Variants in NPC2 observed in about 807,000 individuals in gnomAD.
The protein encoded by NPC2 is NPC intracellular cholesterol transporter 2.
A neutral mutation model predicts 17.0 loss-of-function variants in NPC2; 14 were observed. That is an observed-to-expected ratio of 0.82 (90% CI 0.54 to 1.29). NPC2 has a LOEUF of 1.29. Among genes scored for constraint, NPC2 ranks in the 50% most tolerant of loss-of-function variants. NPC2 has a pLI of 0.00. For missense variants in NPC2, 167 were observed against 183.4 expected, an observed-to-expected ratio of 0.91 and a Z score of 0.52; for synonymous variants, 75 against 69.3, an observed-to-expected ratio of 1.08 and a Z score of -0.41.
intron 3 of NPC2, chr14:74,483,514 TAGTC>T: frequency 6.5e-7 from 1 of 1,542,888 alleles, no homozygotes; most frequent in Non-Finnish European, 8.8e-7. Context: ...TCTAGGCCCA[TAGTC>T]AGCAGCAGCT....
chr14:74,484,101 T>C (rs562022090), intron 3 of NPC2, among the ~76,000 whole-genome samples: 3 of 152,344 alleles, frequency 2.0e-5, no homozygotes, highest in East Asian at 3.9e-4. Context: ...AACTCTAATA[T>C]TGCTTCTTGT....
At chr14:74,489,661 C>G (rs751006776) in intron 1 of NPC2, among the ~76,000 whole-genome samples, 1 of 152,210 alleles carries the variant, frequency 6.6e-6, no homozygotes, top group African/African-American at 2.4e-5. Context: ...TTAAAAATCC[C>G]ATTTCCTCCT....
chr14:74,486,334 G>C lies in NPC2; in HGVS notation c.185C>G (p.Thr62Ser). ...TAAGAGCCACTTTTACGCACTGCTG[G>C]TGAAGGTGACATTGACGCTGTAAGA... is the stretch of plus-strand genomic sequence containing the variant. ...GQSYSVNVTF[T>S]SNIQSKSSKA... The change falls in exon 2 of 5, where the codon ACC (threonine) becomes AGC (serine). Residue 62 changes from threonine to serine, a missense_variant. Coordinates refer to ENST00000555619, the MANE Select transcript of NPC2 (RefSeq NM_006432.5). 2 of 1,593,824 alleles carry C rather than the reference G, an allele frequency of 1.3e-6. No individual in the cohort carries two copies. Among genetic ancestry groups the C allele is most frequent in the Non-Finnish European group, 1.7e-6 (2 of 1,169,240 alleles).
In NPC2 at chr14:74,484,420, G is replaced by T. The variant is rs104894458; in HGVS notation, c.358C>A (p.Pro120Thr). The change falls in exon 3 of 5, where the codon CCC (proline) becomes ACC (threonine). Residue 120 changes from proline (P) to threonine (T), a missense_variant. Physicochemically the swap from Pro to Thr is conservative, Grantham distance 38. Transcript: ENST00000555619. ...TCAATAATGGTATCACTTACAGAGG[G>T]ATATTCGCTTTTCACTGGTAGTTTA... ...LNKLPVKSEY[P>T]SIKLVVEWQL... 6.2e-7 allele frequency: 1 copy of T among 1,614,046 alleles called. No individual in the cohort carries two copies. Among genetic ancestry groups the T allele is most frequent in the South Asian group, 1.1e-5 (1 of 91,076 alleles).
chr14:74,490,659 G>A (rs1174523903), intron 1 of NPC2, among the ~76,000 whole-genome samples: 2 of 152,184 alleles, frequency 1.3e-5, no homozygotes, highest in Non-Finnish European at 2.9e-5. Flanking sequence ...AGTGTCAATA[G>A]AACAAACTCC....
chr14:74,483,173 A>T (rs1331915995), intron 3 of NPC2: 3 of 846,352 alleles, frequency 3.5e-6, no homozygotes, highest in Non-Finnish European at 6.0e-6. Flanking sequence ...GCAATGAGGG[A>T]TTTGTATATG....
At chr14:74,485,354 A>T (rs4243647) in intron 2 of NPC2, among the ~76,000 whole-genome samples, 93,707 of 146,014 alleles carry the variant, frequency 0.64, 30,650 homozygotes, top group African/African-American at 0.72. Context: ...AAGACATGCA[A>T]TTCTTTATAA....
intron 3 of NPC2, among the ~76,000 whole-genome samples, chr14:74,482,503 G>A (rs1021732851): frequency 5.9e-5 from 9 of 152,286 alleles, no homozygotes; most frequent in African/African-American, 2.2e-4. Context: ...CAGAAAGAAG[G>A]CTGGAAAAAG....
rs1182966897 is a variant in NPC2, at chr14:74,493,239, C to T, written c.36G>A (p.Ala12=). The T allele has an allele frequency of 6.2e-7, 1 of 1,613,210 alleles. No individual in the cohort carries two copies. The highest frequency in any genetic ancestry group is 8.5e-7 in the Non-Finnish European group (1 of 1,179,712). Reference sequence around the variant, plus strand: ...GTTCGGCCTGGGCAGCGGTGCTGAGCGCCAGGAGCAGGAATGTAGCTGCCA... The same window carrying T: ...GTTCGGCCTGGGCAGCGGTGCTGAGTGCCAGGAGCAGGAATGTAGCTGCCA... ...RFLAATFLLL[A]LSTAAQAEPV... is the part of the protein sequence containing the mutation. The change falls in exon 1 of 5, where the codon GCG becomes GCA. Residue 12 remains alanine (A), a synonymous_variant. Transcript: ENST00000555619. The surrounding 1 kb of genome is among the most constrained non-coding windows in gnomAD (Gnocchi z 4.1).
In NPC2 at chr14:74,483,443, C is replaced by G. The variant is rs371089717; in HGVS notation, c.363+972G>C. 11 of 1,536,488 alleles carry G rather than the reference C, an allele frequency of 7.2e-6. No homozygotes were observed. The East Asian group carries it at 1.1e-4, about 16-fold the overall frequency. ...TGAAATATTTTATGACCTGGTCAGA[C>G]AGATAAATAGAAAAACACCAGTGGA... is the stretch of plus-strand genomic sequence containing the variant. On this transcript the variant is annotated intron_variant, in intron 3 of 4. Coordinates refer to ENST00000555619, the MANE Select transcript of NPC2 (RefSeq NM_006432.5).
At position 74,493,265 on chromosome 14, in the gene NPC2, G is replaced by A. The variant is rs957001864; in HGVS notation, c.10C>T (p.Leu4=). The A allele has an allele frequency of 6.2e-7, 1 of 1,613,308 alleles. No homozygotes were observed. Among genetic ancestry groups the A allele is most frequent in the Non-Finnish European group, 8.5e-7 (1 of 1,179,710 alleles). Residue 4 remains leucine, a synonymous_variant, in exon 1 of 5, where the codon CTG becomes TTG. Coordinates refer to ENST00000555619, the MANE Select transcript of NPC2 (RefSeq NM_006432.5). This position sits in a 1 kb window ranked among gnomAD's most constrained non-coding sequence, Gnocchi z 4.1. MRF[L]AATFLLLALS... ...GCCAGGAGCAGGAATGTAGCTGCCA[G>A]GAAACGCATCGCGGATAACGAAGTT... is the stretch of plus-strand genomic sequence containing the variant.
At chr14:74,492,445 A>G (rs949763210) in intron 1 of NPC2, among the ~76,000 whole-genome samples, 2 of 152,196 alleles carry the variant, frequency 1.3e-5, no homozygotes, top group Non-Finnish European at 2.9e-5. Flanking sequence ...CTTTCCACTC[A>G]TAGATCTTAC....
At chr14:74,484,610 G>A in intron 2 of NPC2, 23 bp from the exon 3 acceptor site, 1 of 1,613,530 alleles carries the variant, frequency 6.2e-7, no homozygotes, top group Non-Finnish European at 8.5e-7. Flanking sequence ...AAGAGAATCA[G>A]ATGGCAAAGA....
intron 3 of NPC2, chr14:74,482,964 A>G: frequency 1.5e-6 from 1 of 657,254 alleles, no homozygotes; most frequent in Non-Finnish European, 2.9e-6. Context: ...GTATTTAAAC[A>G]GACCACATCA....
chr14:74,481,277 TC>T (rs1279539205), intron 3 of NPC2, among the ~76,000 whole-genome samples: 1 of 152,260 alleles, frequency 6.6e-6, no homozygotes, highest in East Asian at 1.9e-4. Flanking sequence ...CTCCCCCTTC[TC>T]TTTCTTGCTT....
At chr14:74,483,311 C>G (rs1312766949) in intron 3 of NPC2, 1 of 1,254,956 alleles carries the variant, frequency 8.0e-7, no homozygotes, top group Non-Finnish European at 1.2e-6. Flanking sequence ...TAAATGTGAC[C>G]TGGAAGATGA....
chr14:74,488,814 C>G (rs2086740595), intron 1 of NPC2, among the ~76,000 whole-genome samples: 1 of 152,172 alleles, frequency 6.6e-6, no homozygotes, highest in Non-Finnish European at 1.5e-5. Context: ...TAACACTGAA[C>G]AGAGGAGTGA....
At chr14:74,492,343 C>A (rs2086785076) in intron 1 of NPC2, among the ~76,000 whole-genome samples, 2 of 152,186 alleles carry the variant, frequency 1.3e-5, no homozygotes, top group South Asian at 4.1e-4. Context: ...GGCGGTTACA[C>A]TTACTCTGGC....
At chr14:74,489,194 AAAG>A (rs1353927786) in intron 1 of NPC2, among the ~76,000 whole-genome samples, 1 of 152,226 alleles carries the variant, frequency 6.6e-6, no homozygotes, top group Non-Finnish European at 1.5e-5. Flanking sequence ...CAGCTGCATT[AAAG>A]AAGAATACTG....
Sources: gnomAD v4.1 joint callset for allele counts (sites outside exome capture counted in the v4.1 genomes callset) on GRCh38, gnomAD v4.1.1 for gene constraint, Gnocchi (gnomAD v3.1) non-coding constraint, MANE v1.5 for transcripts, NCBI Gene and HGNC (gene_info 2026-07-23, HGNC 2026-07-21) for gene names.